The following ORC4 variants were observed in gnomAD, a reference collection of about 807,000 sequenced individuals.
The protein encoded by ORC4 is origin recognition complex, subunit 4 homolog.
In ORC4, 55 loss-of-function variants were observed where a neutral mutation model predicts 63.9. The observed-to-expected ratio is 0.86, with a 90% CI of 0.69 to 1.08. The LOEUF (loss-of-function observed/expected upper bound fraction) is 1.08. Among genes scored for constraint, ORC4 ranks in the 50% least tolerant of loss-of-function variants. The pLI is 0.00. For missense variants in ORC4, 511 were observed against 504.4 expected, an observed-to-expected ratio of 1.01 and a Z score of -0.13; for synonymous variants, 150 against 168.5, an observed-to-expected ratio of 0.89 and a Z score of 0.85.
chr2:147,945,482 T>C (rs1248546121), intron 9 of ORC4, among the ~76,000 whole-genome samples: 1 of 151,958 alleles, frequency 6.6e-6, no homozygotes, highest in Non-Finnish European at 1.5e-5. Context: ...TATACTCTAT[T>C]TGAGGATAAG....
intron 4 of ORC4, among the ~76,000 whole-genome samples, chr2:147,970,323 G>A (rs1690140204): frequency 6.6e-6 from 1 of 152,056 alleles, no homozygotes; most frequent in Non-Finnish European, 1.5e-5. Flanking sequence ...AGAATTTTCT[G>A]GATATGTACA....
At chr2:147,937,888 C>T (rs1468847919) in intron 13 of ORC4, 8 of 514,596 alleles carry the variant, frequency 1.6e-5, no homozygotes, top group Non-Finnish European at 2.8e-5. Context: ...TTATATCACA[C>T]ACTATACTGA....
chr2:147,942,396 T>C (rs1266975418), intron 10 of ORC4, among the ~76,000 whole-genome samples: 1 of 152,122 alleles, frequency 6.6e-6, no homozygotes, highest in Non-Finnish European at 1.5e-5. Context: ...TATAATTACT[T>C]GGCAAAACAT....
chr2:148,016,990 A>C (rs1168711996), intron 1 of ORC4, among the ~76,000 whole-genome samples: 1 of 152,214 alleles, frequency 6.6e-6, no homozygotes, highest in Non-Finnish European at 1.5e-5. Flanking sequence ...AAGACAAAGC[A>C]AAAAAATTAA....
rs529078642 is a variant in ORC4 at position 147,976,743 on chromosome 2, T to C, written c.-17-768A>G. Among the ~76,000 whole-genome samples, 2 of 152,314 alleles carry C rather than the reference T, an allele frequency of 1.3e-5. 1 individual carries two copies. Among genetic ancestry groups the C allele is most frequent in the South Asian group, 4.1e-4 (2 of 4,830 alleles). On this transcript the variant is annotated intron_variant, in intron 1 of 13. Transcript: ENST00000392857. ...TAAACACTCATAAGTGCCTGTATTT[T>C]GCTTTATTATTGAATTATTTTAAAC...
chr2:147,959,919 C>A (rs983909700), intron 4 of ORC4, among the ~76,000 whole-genome samples: 6 of 152,142 alleles, frequency 3.9e-5, no homozygotes, highest in Non-Finnish European at 8.8e-5. Context: ...TGGATCAGGT[C>A]AGACACTATA....
chr2:147,993,948 C>A (rs924357171), intron 1 of ORC4, among the ~76,000 whole-genome samples: 1 of 152,058 alleles, frequency 6.6e-6, no homozygotes, highest in African/African-American at 2.4e-5. Context: ...TATGATTATG[C>A]ACGTAGAAAA....
In ORC4 at chr2:148,001,890, G is replaced by A. The variant is rs970723909; in HGVS notation, c.-18+18743C>T. Among the ~76,000 whole-genome samples the A allele has an allele frequency of 2.0e-5, 3 of 152,004 alleles. No homozygotes were observed. In the East Asian group the frequency reaches 5.8e-4, roughly 29 times the overall value. On this transcript the variant is annotated intron_variant, in intron 1 of 13. Coordinates refer to ENST00000392857, the MANE Select transcript of ORC4 (RefSeq NM_181741.4). ...ACCTCACTTGCAAAGACACACAAAG[G>A]TTCAAAATAAAGGGATGGAGGAATA...
intron 4 of ORC4, among the ~76,000 whole-genome samples, chr2:147,963,389 C>T (rs978971125): frequency 3.9e-5 from 6 of 152,174 alleles, no homozygotes; most frequent in Non-Finnish European, 2.9e-5. Context: ...TGTCACAGGC[C>T]TGAGAAACAG....
At chr2:147,957,927 T>C (rs1011242453) in intron 6 of ORC4, among the ~76,000 whole-genome samples, 8 of 152,178 alleles carry the variant, frequency 5.3e-5, no homozygotes, top group Non-Finnish European at 8.8e-5. Flanking sequence ...ATACACAGGC[T>C]ACTCAAGTCT....
chr2:147,952,650 G>A, intron 7 of ORC4, 126 bp from the exon 8 acceptor site: 3 of 748,598 alleles, frequency 4.0e-6, no homozygotes, highest in Non-Finnish European at 6.9e-6. Flanking sequence ...CCTACTTTGG[G>A]TAGGGGATTT....
At chr2:147,987,883 C>T (rs1691315341) in intron 1 of ORC4, among the ~76,000 whole-genome samples, 2 of 151,842 alleles carry the variant, frequency 1.3e-5, no homozygotes, top group South Asian at 4.2e-4. Flanking sequence ...GAAACCCCAT[C>T]TCTACTAAAA....
chr2:147,938,756 A>G, intron 11 of ORC4: 1 of 326,404 alleles, frequency 3.1e-6, no homozygotes, highest in Non-Finnish European at 5.7e-6. Context: ...GAGACTTCCT[A>G]AACTCCTGGA....
Position 147,972,829 on chromosome 2 carries a change from T to A in ORC4, c.135A>T (p.Lys45Asn). 1 of 1,594,602 alleles carries A rather than the reference T, an allele frequency of 6.3e-7. No homozygotes were observed. The highest frequency in any genetic ancestry group is 8.6e-7 in the Non-Finnish European group (1 of 1,162,678). ...SNLFGVQVQYKHLSELLKRTA... is the reference protein window; with the variant it reads ...SNLFGVQVQYNHLSELLKRTA... The stretch of plus-strand genomic sequence containing the variant: ...TTCTTTTCAGCAGCTCACTTAAGTG[T>A]CTAAAATGATATAAATAGGACAAAA... The change falls in exon 4 of 14, where the codon AAA (lysine) becomes AAT (asparagine). Residue 45 changes from lysine (K) to asparagine (N), a missense_variant and splice_region_variant. By Grantham distance (94) the Lys-to-Asn change is moderately conservative. Coordinates refer to ENST00000392857, the MANE Select transcript of ORC4 (RefSeq NM_181741.4).
chr2:147,998,006 C>G (rs1692071687), intron 1 of ORC4, among the ~76,000 whole-genome samples: 1 of 152,044 alleles, frequency 6.6e-6, no homozygotes, highest in African/African-American at 2.4e-5. Context: ...ACACCAAAGT[C>G]TAATGGATAT....
In ORC4 at chr2:147,972,858, T is replaced by A. The variant is rs760709306; in HGVS notation, c.135-29A>T. On this transcript the variant is annotated intron_variant, in intron 3 of 13. Coordinates refer to ENST00000392857, the MANE Select transcript of ORC4 (RefSeq NM_181741.4). ...AAATGATATAAATAGGACAAAATTT[T>A]AAAAATGAAGCTGGAATACTTTGTT... The A allele has an allele frequency of 4.9e-6, 7 of 1,430,050 alleles. No individual in the cohort carries two copies. In the South Asian group the frequency reaches 6.9e-5, roughly 14 times the overall value. 88.6% of individuals were successfully genotyped at this position (1,430,050 alleles called of 1,614,324 possible).
chr2:147,941,656 A>T (rs1029902997), intron 10 of ORC4, among the ~76,000 whole-genome samples: 10 of 152,086 alleles, frequency 6.6e-5, no homozygotes, highest in Admixed American at 3.9e-4. Flanking sequence ...ACAAAAAACA[A>T]GCCATTATTT....
At chr2:148,002,289 C>A (rs1332254471) in intron 1 of ORC4, among the ~76,000 whole-genome samples, 1 of 152,164 alleles carries the variant, frequency 6.6e-6, no homozygotes, top group Non-Finnish European at 1.5e-5. Flanking sequence ...GAACTCTCCA[C>A]CCCAAATCAA....
rs1032061268 is a variant in ORC4, at chr2:147,935,449, T to C, written c.*61A>G. 30 of 1,226,318 alleles carry C rather than the reference T, an allele frequency of 2.4e-5. No homozygotes were observed. In the Admixed American group the frequency reaches 3.9e-4, roughly 16 times the overall value. 76.0% of individuals were successfully genotyped at this position (1,226,318 alleles called of 1,614,324 possible). A position where few individuals can be genotyped will look rare whatever the true frequency, so the allele number is the denominator to read the frequency against. ...TTTAGCATATCATGTTAATGGACAATAGTTTTCCGTTCTCTACAGAAGTAT... is the reference window on the plus strand; with the variant it reads ...TTTAGCATATCATGTTAATGGACAACAGTTTTCCGTTCTCTACAGAAGTAT... On this transcript the variant is annotated 3_prime_UTR_variant, in exon 14 of 14. Coordinates refer to ENST00000392857, the MANE Select transcript of ORC4 (RefSeq NM_181741.4).
Sources: allele counts gnomAD v4.1 joint callset (sites outside exome capture counted in the v4.1 genomes callset), GRCh38; gene constraint gnomAD v4.1.1; transcripts MANE v1.5; gene names NCBI Gene and HGNC (gene_info 2026-07-23, HGNC 2026-07-21).